PRKN: variants seen among roughly 807,000 people sequenced by gnomAD.
The protein encoded by PRKN is parkin RBR E3 ubiquitin protein ligase.
A neutral mutation model predicts 59.5 loss-of-function variants in PRKN; 56 were observed. The ratio of observed to expected loss-of-function variants is 0.94; its 90% CI spans 0.76 to 1.18. The LOEUF (loss-of-function observed/expected upper bound fraction) is 1.18, where lower values mean the gene tolerates loss of function less well. PRKN is among the 50% of genes most tolerant of loss of function. PRKN has a pLI of 0.00. For synonymous variants in PRKN, 250 were observed against 222.1 expected (o/e 1.13, Z -1.12); for missense variants, 657 against 596.4 (o/e 1.10, Z -1.06).
intron 2 of PRKN, among the ~76,000 whole-genome samples, chr6:162,272,946 G>A (rs1780458876): frequency 2.7e-5 from 4 of 146,426 alleles, no homozygotes. Flanking sequence ...GTTGCAGTGA[G>A]CCTAGATCGG....
At chr6:162,687,687 C>T (rs900610999) in intron 1 of PRKN, among the ~76,000 whole-genome samples, 2 of 152,118 alleles carry the variant, frequency 1.3e-5, no homozygotes, top group Non-Finnish European at 2.9e-5. Context: ...AAAATTATAA[C>T]AATTTGTTAT....
intron 9 of PRKN, among the ~76,000 whole-genome samples, chr6:161,426,867 T>C (rs867080198): frequency 4.6e-5 from 7 of 151,790 alleles, no homozygotes; most frequent in Non-Finnish European, 7.4e-5. Flanking sequence ...TACAGGCACC[T>C]GCCACCACGC....
At chr6:161,994,924 G>GAA (rs111850664) in intron 5 of PRKN, among the ~76,000 whole-genome samples, 84 of 138,048 alleles carry the variant, frequency 6.1e-4, no homozygotes, top group African/African-American at 2.1e-3. Context: ...CATAGAAATA[G>GAA]AAAAAAAAAA....
intron 4 of PRKN, among the ~76,000 whole-genome samples, chr6:162,165,599 C>G (rs886184798): frequency 6.7e-6 from 1 of 149,594 alleles, no homozygotes; most frequent in African/African-American, 2.5e-5. Flanking sequence ...TGCCAGTGCA[C>G]AGGCACCAGA....
chr6:161,680,758 TATATATATATATATA>T (rs1339172412), intron 7 of PRKN, among the ~76,000 whole-genome samples: 218 of 18,454 alleles, frequency 0.012, 13 homozygotes, highest in African/African-American at 0.027. Flanking sequence ...TATATATATA[TATATATATATATATA>T]TATTTTTTTT....
chr6:161,751,229 A>G (rs1788680478), intron 7 of PRKN, among the ~76,000 whole-genome samples: 1 of 152,196 alleles, frequency 6.6e-6, no homozygotes, highest in African/African-American at 2.4e-5. Flanking sequence ...GTCAACATCT[A>G]CAAGGACAAG....
At chr6:161,899,629 T>C (rs1029610630) in intron 6 of PRKN, among the ~76,000 whole-genome samples, 1 of 152,188 alleles carries the variant, frequency 6.6e-6, no homozygotes, top group Non-Finnish European at 1.5e-5. Flanking sequence ...GCTCTTCTCT[T>C]CAGCTTATCG....
At chr6:161,664,327 AG>A (rs1434165595) in intron 7 of PRKN, among the ~76,000 whole-genome samples, 5 of 152,340 alleles carry the variant, frequency 3.3e-5, no homozygotes, top group Admixed American at 2.6e-4. Context: ...GTTACGGGAA[AG>A]GGGTGTACAA....
chr6:161,472,172 C>A (rs184246802), intron 9 of PRKN, among the ~76,000 whole-genome samples: 12 of 152,078 alleles, frequency 7.9e-5, no homozygotes, highest in Admixed American at 7.2e-4. Flanking sequence ...CTTCCAAGTA[C>A]CCCAGGACAA....
chr6:161,945,003 G>A (rs774127576), intron 6 of PRKN, among the ~76,000 whole-genome samples: 2 of 152,156 alleles, frequency 1.3e-5, no homozygotes, highest in Non-Finnish European at 2.9e-5. Flanking sequence ...AGTTATATAT[G>A]AGGAAGATTA....
chr6:162,669,069 T>G (rs1779220648), intron 1 of PRKN, among the ~76,000 whole-genome samples: 1 of 152,204 alleles, frequency 6.6e-6, no homozygotes, highest in African/African-American at 2.4e-5. Flanking sequence ...CAGGAAAGAT[T>G]GAGTTTTGAA....
chr6:161,456,788 CCTTCCT>C lies in PRKN; in HGVS notation c.1084-69917_1084-69912del, dbSNP rs1434693791. 6.6e-6 allele frequency among the ~76,000 whole-genome samples: 1 copy of C among 152,106 alleles called. No individual in the cohort carries two copies. Among genetic ancestry groups the C allele is most frequent in the Non-Finnish European group, 1.5e-5 (1 of 68,030 alleles). ...AGGGTCTGGGGTACATGCACATGAC[CCTTCCT>C]CTTCCTCTTCCACCCACATGCCCAG... is the stretch of plus-strand genomic sequence containing the variant. On this transcript the variant is annotated intron_variant, in intron 9 of 11. Transcript: ENST00000366898. The surrounding 1 kb of genome is among the most constrained non-coding windows in gnomAD (Gnocchi z 4.8).
At chr6:162,229,133 A>C (rs1010916887) in intron 3 of PRKN, among the ~76,000 whole-genome samples, 1 of 152,134 alleles carries the variant, frequency 6.6e-6, no homozygotes, top group South Asian at 2.1e-4. Flanking sequence ...TTGTACAGCA[A>C]ATTGTCTCCC....
rs142328829 is a variant in PRKN, at chr6:161,927,318, C to T, written c.734+45984G>A. ...AATCAAAACCGTGAATACATCACTA[C>T]GTCTTACATACAGGAAAATTAGGCC... On this transcript the variant is annotated intron_variant, in intron 6 of 11. Transcript: ENST00000366898. 7.8e-3 allele frequency among the ~76,000 whole-genome samples: 1,193 copies of T among 152,196 alleles called. 20 individuals carry two copies. Among genetic ancestry groups the T allele is most frequent in the African/African-American group, 0.027 (1,139 of 41,524 alleles).
intron 3 of PRKN, among the ~76,000 whole-genome samples, chr6:162,246,156 T>C (rs1347474426): frequency 6.6e-6 from 1 of 152,136 alleles, no homozygotes; most frequent in African/African-American, 2.4e-5. Flanking sequence ...AATTCCTATG[T>C]TGAAGCTCTA....
intron 2 of PRKN, among the ~76,000 whole-genome samples, chr6:162,408,649 C>T (rs1788197457): frequency 6.6e-6 from 1 of 152,126 alleles, no homozygotes. Flanking sequence ...ACAGAGTTGA[C>T]TATAAAGTCC....
At chr6:161,611,755 A>T (rs1782496285) in intron 7 of PRKN, among the ~76,000 whole-genome samples, 1 of 152,232 alleles carries the variant, frequency 6.6e-6, no homozygotes, top group Non-Finnish European at 1.5e-5. Flanking sequence ...AGGAAGAGTC[A>T]CACAACTTCT....
intron 6 of PRKN, among the ~76,000 whole-genome samples, chr6:161,944,540 TG>T (rs1254639969): frequency 6.6e-6 from 1 of 152,194 alleles, no homozygotes. Context: ...CACCCACTTC[TG>T]TGCTAAGTCC....
At chr6:162,334,077 G>A (rs1218667623) in intron 2 of PRKN, among the ~76,000 whole-genome samples, 2 of 152,176 alleles carry the variant, frequency 1.3e-5, no homozygotes, top group South Asian at 4.1e-4. Context: ...AGGTCAGGAA[G>A]CTGTAAAAGA....
Sources: gnomAD v4.1 joint callset for allele counts (sites outside exome capture counted in the v4.1 genomes callset) on GRCh38, gnomAD v4.1.1 for gene constraint, Gnocchi (gnomAD v3.1) non-coding constraint, MANE v1.5 for transcripts, NCBI Gene and HGNC (gene_info 2026-07-23, HGNC 2026-07-21) for gene names.